The following SEPTIN11 variants were observed in gnomAD, a reference collection of about 807,000 sequenced individuals.
SEPTIN11 encodes septin 11, also known as septin-11.
A neutral mutation model predicts 51.4 loss-of-function variants in SEPTIN11; 25 were observed. The ratio of observed to expected loss-of-function variants is 0.49; its 90% confidence interval spans 0.35 to 0.68. SEPTIN11 has a LOEUF of 0.68. Ranked by LOEUF, SEPTIN11 falls within the 30% of genes least tolerant of loss-of-function variation. The probability of loss-of-function intolerance (pLI) is 0.00; values close to 1 mark genes in which losing one functional copy is unlikely to be tolerated. For synonymous variants in SEPTIN11, 174 were observed against 184.1 expected (o/e 0.95, Z 0.44); for missense variants, 381 against 520.8 (o/e 0.73, Z 2.61).
intron 4 of SEPTIN11, among the ~76,000 whole-genome samples, chr4:77,013,392 C>G (rs1725009817): frequency 6.6e-6 from 1 of 152,170 alleles, no homozygotes; most frequent in African/African-American, 2.4e-5. Context: ...AAAAGACTTT[C>G]AAGTCCGGCT....
intron 4 of SEPTIN11, 43 bp downstream of exon 4, chr4:77,011,964 T>A (rs1334663900): frequency 1.3e-6 from 2 of 1,553,628 alleles, no homozygotes; most frequent in South Asian, 2.3e-5. Flanking sequence ...TCCTTTTAGA[T>A]CTTCTTTATC....
In SEPTIN11 at chr4:77,036,909, T is replaced by G. The variant is rs974769340; in HGVS notation, c.*2397T>G. The G allele has an allele frequency of 2.4e-5, 33 of 1,354,114 alleles. No homozygotes were observed. The highest frequency in any genetic ancestry group is 7.1e-5 in the Admixed American group (2 of 28,266). The allele number at this position is 1,354,114 out of a possible 1,614,324, so 83.9% of individuals were successfully genotyped here. Reference sequence around the variant, plus strand: ...AATTAGAGAAAGCAAATGGGATGGATAGATTTTTTTTTTCTTTTCAAGGGG... The same window carrying G: ...AATTAGAGAAAGCAAATGGGATGGAGAGATTTTTTTTTTCTTTTCAAGGGG... On this transcript the variant is annotated 3_prime_UTR_variant, in exon 10 of 10. Coordinates refer to ENST00000264893, the MANE Select transcript of SEPTIN11 (RefSeq NM_018243.4).
chr4:76,975,641 G>A (rs993641301), intron 1 of SEPTIN11, among the ~76,000 whole-genome samples: 4 of 152,120 alleles, frequency 2.6e-5, no homozygotes, highest in African/African-American at 9.7e-5. Context: ...CTGATGCAGC[G>A]TATTCTTTTG....
At chr4:76,974,256 C>T (rs1722382927) in intron 1 of SEPTIN11, among the ~76,000 whole-genome samples, 1 of 152,146 alleles carries the variant, frequency 6.6e-6, no homozygotes, top group Non-Finnish European at 1.5e-5. Context: ...TTCCTGTTGT[C>T]CTCTTTCTTT....
Position 77,018,280 on chromosome 4 carries a change from T to G in SEPTIN11, c.688-885T>G, listed in dbSNP as rs191053729. ...CCTGGCTAACACGGTGAAACCCCGT[T>G]TCTACTAAAAATACAAAAATTAGCT... On this transcript the variant is annotated intron_variant, in intron 5 of 9. Coordinates refer to ENST00000264893, the MANE Select transcript of SEPTIN11 (RefSeq NM_018243.4). Among the ~76,000 whole-genome samples, 5 of 151,856 alleles carry G rather than the reference T, an allele frequency of 3.3e-5. No homozygotes were observed. The East Asian group carries it at 5.8e-4, about 18-fold the overall frequency.
rs1724289292 is a variant in SEPTIN11 at position 77,003,764 on chromosome 4, A to ACAAT, written c.143-1837_143-1836insCAAT. On this transcript the variant is annotated intron_variant, in intron 2 of 9. Transcript: ENST00000264893. Reference sequence around the variant, plus strand: ...AATGAGTATACAATACAGAATTTATAACTAGTAAGTAGATTTTGTCATTAT... The same window carrying ACAAT: ...AATGAGTATACAATACAGAATTTATACAATACTAGTAAGTAGATTTTGTCATTAT... Among the ~76,000 whole-genome samples, 3 of 152,300 alleles carry ACAAT rather than the reference A, an allele frequency of 2.0e-5. No homozygotes were observed. The South Asian group carries it at 6.2e-4, about 32-fold the overall frequency.
At chr4:76,958,271 C>T (rs991403553) in intron 1 of SEPTIN11, among the ~76,000 whole-genome samples, 1 of 152,218 alleles carries the variant, frequency 6.6e-6, no homozygotes, top group Non-Finnish European at 1.5e-5. Flanking sequence ...TTGTGCACTT[C>T]TGGACATCCA....
At chr4:76,993,722 T>C (rs886261405) in intron 1 of SEPTIN11, among the ~76,000 whole-genome samples, 2 of 152,228 alleles carry the variant, frequency 1.3e-5, no homozygotes, top group African/African-American at 4.8e-5. Context: ...GCTCAAATTA[T>C]GAAATGTAAA....
chr4:76,953,753 T>G (rs1721446284), intron 1 of SEPTIN11, among the ~76,000 whole-genome samples: 1 of 152,222 alleles, frequency 6.6e-6, no homozygotes, highest in African/African-American at 2.4e-5. Context: ...GGTACAATAA[T>G]CTCTCCTTTT....
Position 77,036,885 on chromosome 4 carries a change from A to G in SEPTIN11, c.*2373A>G. 7.1e-7 allele frequency: 1 copy of G among 1,403,986 alleles called. No homozygotes were observed. Among genetic ancestry groups the G allele is most frequent in the Non-Finnish European group, 9.2e-7 (1 of 1,085,808 alleles). 87.0% of individuals were successfully genotyped at this position (1,403,986 alleles called of 1,614,324 possible). The stretch of plus-strand genomic sequence containing the variant: ...TTTGAGATCTTTCTGACTTTTCAAA[A>G]TTAGAGAAAGCAAATGGGATGGATA... On this transcript the variant is annotated 3_prime_UTR_variant, in exon 10 of 10. Transcript: ENST00000264893.
At chr4:76,992,842 T>G (rs1003662478) in intron 1 of SEPTIN11, among the ~76,000 whole-genome samples, 9 of 152,304 alleles carry the variant, frequency 5.9e-5, no homozygotes, top group South Asian at 4.1e-4. Flanking sequence ...GGAAATAATG[T>G]GAGTAAATTC....
At chr4:77,023,948 T>C (rs1377919750) in intron 7 of SEPTIN11, among the ~76,000 whole-genome samples, 1 of 152,180 alleles carries the variant, frequency 6.6e-6, no homozygotes, top group African/African-American at 2.4e-5. Context: ...TAAGGTTTTA[T>C]TATATTCTCA....
chr4:77,039,503 T>A, downstream of SEPTIN11: 8 of 985,360 alleles, frequency 8.1e-6, no homozygotes, highest in Non-Finnish European at 9.6e-6. Flanking sequence ...ACAAACTTGA[T>A]CTCATGGTAA....
intron 1 of SEPTIN11, among the ~76,000 whole-genome samples, chr4:76,964,298 A>ATTT (rs34041277): frequency 3.7e-5 from 5 of 133,378 alleles, no homozygotes; most frequent in African/African-American, 1.1e-4. Flanking sequence ...TTGGCCAATC[A>ATTT]TTTTTTTTTT....
intron 1 of SEPTIN11, chr4:76,974,864 T>G (rs146097799): frequency 1.3e-3 from 596 of 456,614 alleles, no homozygotes; most frequent in Non-Finnish European, 1.9e-3. Flanking sequence ...GGCTCATGCC[T>G]GTAATCCCAA....
At position 77,035,923 on chromosome 4, in the gene SEPTIN11, GATAACA is replaced by G. The variant is rs1726992101; in HGVS notation, c.*1412_*1417del. On this transcript the variant is annotated 3_prime_UTR_variant, in exon 10 of 10. Coordinates refer to ENST00000264893, the MANE Select transcript of SEPTIN11 (RefSeq NM_018243.4). ...CAGCTTTCTCTCTACATGTAGAAAG[GATAACA>G]TTTCTCATGAACCCACTGCCCCTCT... 5.4e-5 allele frequency: 53 copies of G among 985,710 alleles called. No individual in the cohort carries two copies. The highest frequency in any genetic ancestry group is 6.3e-5 in the Non-Finnish European group (52 of 829,950). 61.1% of individuals were successfully genotyped at this position (985,710 alleles called of 1,614,324 possible).
exon 10 of SEPTIN11, chr4:77,038,611 CATT>C (rs1727191996): frequency 1.0e-6 from 1 of 994,420 alleles, no homozygotes; most frequent in Non-Finnish European, 1.2e-6. Flanking sequence ...TTTACCCAAA[CATT>C]ATTTGTGTGC....
intron 1 of SEPTIN11, among the ~76,000 whole-genome samples, chr4:76,982,906 T>TA (rs1166683667): frequency 6.6e-6 from 1 of 152,212 alleles, no homozygotes; most frequent in Non-Finnish European, 1.5e-5. Flanking sequence ...ATCTATCTTT[T>TA]TTCTCCTGGA....
chr4:76,965,050 A>T (rs1254465645), intron 1 of SEPTIN11, among the ~76,000 whole-genome samples: 1 of 152,140 alleles, frequency 6.6e-6, no homozygotes, highest in Non-Finnish European at 1.5e-5. Flanking sequence ...TTAAAATGAC[A>T]GATTCTTATG....
Sources: allele counts gnomAD v4.1 joint callset (sites outside exome capture counted in the v4.1 genomes callset), GRCh38; gene constraint gnomAD v4.1.1; transcripts MANE v1.5; gene names NCBI Gene and HGNC (gene_info 2026-07-23, HGNC 2026-07-21).